Variants in DCAF13 observed in about 807,000 individuals in gnomAD.
The protein encoded by DCAF13 is DDB1 and CUL4 associated factor 13.
DCAF13 carries 38 observed loss-of-function variants against 59.0 expected under a neutral mutation model. The ratio of observed to expected loss-of-function variants is 0.64; its 90% CI spans 0.50 to 0.84. The LOEUF (loss-of-function observed/expected upper bound fraction) is 0.84, where lower values mean the gene tolerates loss of function less well. Ranked by LOEUF, DCAF13 falls within the 40% of genes least tolerant of loss-of-function variation. The pLI, the probability that DCAF13 is intolerant of heterozygous loss-of-function variation, is 0.00. For missense variants in DCAF13, 469 were observed against 558.4 expected, an observed-to-expected ratio of 0.84 and a Z score of 1.61; for synonymous variants, 173 against 175.0, an observed-to-expected ratio of 0.99 and a Z score of 0.09.
chr8:103,425,476 T>C (rs1046656309), intron 3 of DCAF13, among the ~76,000 whole-genome samples: 1 of 152,222 alleles, frequency 6.6e-6, no homozygotes, highest in African/African-American at 2.4e-5. Flanking sequence ...ACTAACATTA[T>C]GAAAATAGTT....
chr8:103,434,365 T>G (rs1816905461), intron 7 of DCAF13, among the ~76,000 whole-genome samples: 1 of 152,074 alleles, frequency 6.6e-6, no homozygotes, highest in African/African-American at 2.4e-5. Context: ...GTACACAAAT[T>G]GATATGCTTA....
intron 1 of DCAF13, among the ~76,000 whole-genome samples, chr8:103,418,824 T>TTTTATATATA (rs1372895913): frequency 2.4e-5 from 1 of 41,394 alleles, no homozygotes; most frequent in Non-Finnish European, 4.4e-5. Flanking sequence ...CTAAGCATAA[T>TTTTATATATA]TATATATATA....
At chr8:103,427,333 T>A in intron 5 of DCAF13, 81 bp downstream of exon 5, 1 of 1,237,592 alleles carries the variant, frequency 8.1e-7, no homozygotes, top group Non-Finnish European at 1.1e-6. Context: ...GAATGTATGA[T>A]AGAAACTTCT....
intron 8 of DCAF13, among the ~76,000 whole-genome samples, chr8:103,436,405 GA>G (rs1461340846): frequency 6.6e-6 from 1 of 152,170 alleles, no homozygotes; most frequent in Non-Finnish European, 1.5e-5. Context: ...TGGCTTGGTT[GA>G]TGAGAGGTTG....
rs1011770907 is a variant in DCAF13, at chr8:103,420,854, A to G, written c.271-121A>G. The G allele has an allele frequency of 5.6e-5, 38 of 676,388 alleles. No homozygotes were observed. Among genetic ancestry groups the G allele is most frequent in the Non-Finnish European group, 9.1e-5 (35 of 384,076 alleles). The allele number at this position is 676,388 out of a possible 1,614,324, so 41.9% of individuals were successfully genotyped here. A position where few individuals can be genotyped will look rare whatever the true frequency, so the allele number is the denominator to read the frequency against. On this transcript the variant is annotated intron_variant, in intron 2 of 10. Transcript: ENST00000612750. ...TATCCATATGCATTGCATTGTTTTA[A>G]TCCAAAGGATTTTGGTTTTAGCTGC...
At chr8:103,439,547 C>T (rs2130497404) in intron 8 of DCAF13, 1 of 152,250 alleles carries the variant, frequency 6.6e-6, no homozygotes, top group South Asian at 2.1e-4. Flanking sequence ...TGCCACCACG[C>T]CCAACTAACT....
At chr8:103,420,926 C>T (rs372455118) in intron 2 of DCAF13, 49 bp from the exon 3 acceptor site, 67 of 1,286,474 alleles carry the variant, frequency 5.2e-5, no homozygotes, top group Non-Finnish European at 7.1e-5. Context: ...TTATCCTGAA[C>T]ATTTTACATT....
intron 9 of DCAF13, chr8:103,440,708 C>T (rs1204976110): frequency 6.6e-6 from 1 of 152,460 alleles, no homozygotes; most frequent in Non-Finnish European, 1.5e-5. Context: ...TTAATAAATA[C>T]AGAAAGCTTC....
At chr8:103,419,004 C>T (rs976988369) in intron 1 of DCAF13, among the ~76,000 whole-genome samples, 4 of 148,816 alleles carry the variant, frequency 2.7e-5, no homozygotes, top group African/African-American at 9.9e-5. Context: ...TTGCCTCAGC[C>T]TCCTGAGTAG....
rs559856124 is a variant in DCAF13, at chr8:103,433,247, G to A, written c.785+506G>A. 8.5e-5 allele frequency among the ~76,000 whole-genome samples: 13 copies of A among 152,186 alleles called. No homozygotes were observed. In the South Asian group the frequency reaches 2.1e-3, roughly 24 times the overall value. Reference sequence around the variant, plus strand: ...TATCTGCCTGCAATGTTTGTATTGCGGTGAGTATCAGGTAGCTGATGCTCA... The same window carrying A: ...TATCTGCCTGCAATGTTTGTATTGCAGTGAGTATCAGGTAGCTGATGCTCA... On this transcript the variant is annotated intron_variant, in intron 7 of 10. Transcript: ENST00000612750.
At chr8:103,423,158 C>T (rs965807475) in intron 3 of DCAF13, among the ~76,000 whole-genome samples, 1 of 152,056 alleles carries the variant, frequency 6.6e-6, no homozygotes, top group African/African-American at 2.4e-5. Context: ...GCACCTAAGG[C>T]TTCTTACACT....
At chr8:103,419,869 C>T (rs1816697858) in intron 1 of DCAF13, among the ~76,000 whole-genome samples, 1 of 151,928 alleles carries the variant, frequency 6.6e-6, no homozygotes, top group African/African-American at 2.4e-5. Flanking sequence ...ATTAGCTGGG[C>T]GTGGTGGCAT....
chr8:103,430,100 A>C (rs1225927582), intron 5 of DCAF13: 1 of 152,312 alleles, frequency 6.6e-6, no homozygotes, highest in South Asian at 2.1e-4. Context: ...ATTAAAATAC[A>C]TGCATGGGGG....
rs1487652776 is a variant in DCAF13, at chr8:103,420,426, A to G, written c.233A>G (p.Lys78Arg). The G allele has an allele frequency of 1.9e-6, 3 of 1,613,962 alleles. No homozygotes were observed. The Admixed American group carries it at 5.0e-5, about 27-fold the overall frequency. Residue 78 changes from lysine to arginine, a missense_variant, in exon 2 of 11, where the codon AAG (lysine) becomes AGG (arginine). Coordinates refer to ENST00000612750, the MANE Select transcript of DCAF13 (RefSeq NM_015420.7). ...AATTGCTTGGCAAAGCATCCAGAGAAGCTGGCTACTGTCCTTTCTGGGGCG... is the reference window on the plus strand; with the variant it reads ...AATTGCTTGGCAAAGCATCCAGAGAGGCTGGCTACTGTCCTTTCTGGGGCG... ...GVNCLAKHPE[K>R]LATVLSGACD...
chr8:103,443,099 G>T lies in DCAF13; in HGVS notation c.*217G>T. 1 of 394,562 alleles carries T rather than the reference G, an allele frequency of 2.5e-6. No homozygotes were observed. 24.4% of individuals were successfully genotyped at this position (394,562 alleles called of 1,614,324 possible). ...TAATCTGCATTCTTCTTTCATTGTA[G>T]AATACAGTATTTGCAACTCATTTTT... On this transcript the variant is annotated 3_prime_UTR_variant, in exon 11 of 11. Transcript: ENST00000612750.
chr8:103,434,024 T>C (rs1468936163), intron 7 of DCAF13, among the ~76,000 whole-genome samples: 1 of 152,122 alleles, frequency 6.6e-6, no homozygotes, highest in African/African-American at 2.4e-5. Flanking sequence ...TTGAAAAGAA[T>C]TGCATATGCC....
At chr8:103,423,841 A>G (rs958841118) in intron 3 of DCAF13, among the ~76,000 whole-genome samples, 5 of 152,192 alleles carry the variant, frequency 3.3e-5, no homozygotes, top group African/African-American at 7.2e-5. Context: ...AAGACTGAAA[A>G]TGTTTCATAT....
At position 103,420,376 on chromosome 8, in the gene DCAF13, G is replaced by A. The variant is rs746318456; in HGVS notation, c.183G>A (p.Ser61=). The change falls in exon 2 of 11, where the codon TCG becomes TCA. Residue 61 remains serine, a synonymous_variant. Transcript: ENST00000612750. The stretch of plus-strand genomic sequence containing the variant: ...TATTTGCAAAACCATTCCTTGCTTC[G>A]CTGGATGGTCACCGTGATGGAGTCA... ...ERVFAKPFLA[S]LDGHRDGVNC... 7 of 1,613,896 alleles carry A rather than the reference G, an allele frequency of 4.3e-6. No homozygotes were observed. The highest frequency in any genetic ancestry group is 2.2e-5 in the South Asian group (2 of 91,072).
At chr8:103,439,994 TA>T in intron 8 of DCAF13, 141 bp from the exon 9 acceptor site, 1 of 615,414 alleles carries the variant, frequency 1.6e-6, no homozygotes, top group Non-Finnish European at 2.4e-6. Flanking sequence ...TTGGGTTCAA[TA>T]AAAATACATT....
Sources: gnomAD v4.1 joint callset for allele counts (sites outside exome capture counted in the v4.1 genomes callset) on GRCh38, gnomAD v4.1.1 for gene constraint, MANE v1.5 for transcripts, NCBI Gene and HGNC (gene_info 2026-07-23, HGNC 2026-07-21) for gene names.